The following DIP2C variants were observed in gnomAD, a reference collection of about 807,000 sequenced individuals.
The protein encoded by DIP2C is disco-interacting protein 2 homolog C.
A neutral mutation model predicts 192.4 loss-of-function variants in DIP2C; 33 were observed. That is an observed-to-expected ratio of 0.17 (90% CI 0.13 to 0.23). DIP2C has a LOEUF of 0.23. Ranked by LOEUF, DIP2C falls within the 10% of genes least tolerant of loss-of-function variation. DIP2C has a pLI of 1.00. For synonymous variants in DIP2C, 979 were observed against 864.1 expected, an observed-to-expected ratio of 1.13 and a Z score of -2.33; for missense variants, 1,537 against 2,110.1, an observed-to-expected ratio of 0.73 and a Z score of 5.32.
chr10:623,703 C>T (rs1368138103), intron 1 of DIP2C, among the ~76,000 whole-genome samples: 4 of 54,074 alleles, frequency 7.4e-5, no homozygotes, highest in Admixed American at 5.2e-4. Context: ...GACGCAGGGC[C>T]GAGGGCTGAG....
At chr10:484,661 T>C (rs1488286643) in intron 2 of DIP2C, 2 of 1,372,354 alleles carry the variant, frequency 1.5e-6, no homozygotes, top group Non-Finnish European at 1.9e-6. Flanking sequence ...CACTGGAGAA[T>C]GGGACCCTCA....
At chr10:477,028 G>A (rs542769702) in intron 2 of DIP2C, among the ~76,000 whole-genome samples, 5 of 128,252 alleles carry the variant, frequency 3.9e-5, no homozygotes, top group East Asian at 4.8e-4. Context: ...AAATCCAAAC[G>A]TCAGTGACAT....
chr10:615,810 AAC>A (rs1387884496), intron 1 of DIP2C, among the ~76,000 whole-genome samples: 3 of 152,138 alleles, frequency 2.0e-5, no homozygotes, highest in African/African-American at 7.2e-5. Context: ...CACTCCTCCA[AAC>A]AGACATTGCG....
At chr10:320,809 G>A (rs1956971413) in intron 31 of DIP2C, among the ~76,000 whole-genome samples, 1 of 152,332 alleles carries the variant, frequency 6.6e-6, no homozygotes, top group African/African-American at 2.4e-5. Flanking sequence ...GCTACTCACA[G>A]AGCAGAAGCG....
At chr10:429,694 C>T (rs1299044011) in intron 4 of DIP2C, among the ~76,000 whole-genome samples, 3 of 151,488 alleles carry the variant, frequency 2.0e-5, no homozygotes, top group Non-Finnish European at 2.9e-5. Flanking sequence ...AAGTTTCCTC[C>T]ATGTCTTTCT....
chr10:675,733 A>G (rs928348419), intron 1 of DIP2C, among the ~76,000 whole-genome samples: 8 of 152,216 alleles, frequency 5.3e-5, no homozygotes, highest in Non-Finnish European at 1.2e-4. Context: ...AGAAACGGAA[A>G]TCCTAAACAG....
At chr10:307,961 A>C (rs867726488) in intron 32 of DIP2C, among the ~76,000 whole-genome samples, 36 of 135,602 alleles carry the variant, frequency 2.7e-4, no homozygotes, top group Admixed American at 1.3e-3. Context: ...CACACGGTCC[A>C]TCTGGAGGGC....
chr10:301,768 C>T (rs1956062279), intron 32 of DIP2C, among the ~76,000 whole-genome samples: 1 of 152,174 alleles, frequency 6.6e-6, no homozygotes, highest in Non-Finnish European at 1.5e-5. Context: ...CCACAGTGCT[C>T]CATGACTGCT....
chr10:474,492 T>C (rs1426668495), intron 2 of DIP2C, among the ~76,000 whole-genome samples: 1 of 152,158 alleles, frequency 6.6e-6, no homozygotes, highest in Non-Finnish European at 1.5e-5. Context: ...TTCCTGGAAG[T>C]CCTCTTGGAG....
chr10:361,046 T>C (rs924949680), intron 22 of DIP2C, among the ~76,000 whole-genome samples: 4 of 152,204 alleles, frequency 2.6e-5, no homozygotes, highest in Non-Finnish European at 5.9e-5. Flanking sequence ...AAGCTGCGTA[T>C]CAGGCCCTCA....
chr10:608,104 AAC>A (rs1325869545), intron 1 of DIP2C, among the ~76,000 whole-genome samples: 9 of 145,542 alleles, frequency 6.2e-5, no homozygotes, highest in Admixed American at 1.4e-4. Context: ...CCTAAAAAGG[AAC>A]ACACACACCA....
intron 31 of DIP2C, 138 bp downstream of exon 31, chr10:326,868 A>G (rs1957294018): frequency 9.7e-7 from 1 of 1,028,472 alleles, no homozygotes. Context: ...ATCTGCACCA[A>G]CCGCATGCGT....
Position 363,359 on chromosome 10 carries a change from C to A in DIP2C, c.2478-48G>T. On this transcript the variant is annotated intron_variant, in intron 20 of 36. Transcript: ENST00000280886. This position sits in a 1 kb window ranked among gnomAD's most constrained non-coding sequence, Gnocchi z 5.4. ...TGAGCACGCGCCGGGGACGCTCATGCAGCCCTCCCTCCGCCATCAGGGGCT... is the reference window on the plus strand; with the variant it reads ...TGAGCACGCGCCGGGGACGCTCATGAAGCCCTCCCTCCGCCATCAGGGGCT... 1 of 1,538,250 alleles carries A rather than the reference C, an allele frequency of 6.5e-7. No homozygotes were observed. Among genetic ancestry groups the A allele is most frequent in the Admixed American group, 1.7e-5 (1 of 59,138 alleles).
At chr10:329,646 T>G (rs143754369) in intron 29 of DIP2C, 45 bp from the exon 30 acceptor site, 4 of 428,102 alleles carry the variant, frequency 9.3e-6, no homozygotes, top group South Asian at 9.1e-5. Flanking sequence ...TCAGCAAGGC[T>G]GGAGCTCAGC....
At chr10:277,975 G>A (rs889996697) in intron 36 of DIP2C, among the ~76,000 whole-genome samples, 1 of 152,220 alleles carries the variant, frequency 6.6e-6, no homozygotes, top group African/African-American at 2.4e-5. Flanking sequence ...GCAGCCCTGT[G>A]CCTCCTGCTT....
intron 24 of DIP2C, among the ~76,000 whole-genome samples, chr10:350,292 G>A (rs908717463): frequency 2.0e-5 from 3 of 152,034 alleles, no homozygotes; most frequent in African/African-American, 7.2e-5. Flanking sequence ...TCCCTACATT[G>A]CCCAAGCTGG....
chr10:618,317 C>T (rs1853607418), intron 1 of DIP2C, among the ~76,000 whole-genome samples: 1 of 152,234 alleles, frequency 6.6e-6, no homozygotes, highest in Non-Finnish European at 1.5e-5. Flanking sequence ...TTCTGGCTGG[C>T]TTGCAGGCCT....
At chr10:671,334 C>T (rs1430506482) in intron 1 of DIP2C, among the ~76,000 whole-genome samples, 3 of 151,900 alleles carry the variant, frequency 2.0e-5, no homozygotes, top group East Asian at 1.9e-4. Context: ...CACAGACGCA[C>T]GGACGGAGGA....
chr10:382,537 C>T (rs1029096859), intron 17 of DIP2C, 110 bp downstream of exon 17: 1 of 781,896 alleles, frequency 1.3e-6, no homozygotes. Flanking sequence ...AGGTTAGGTC[C>T]CGTTTTCACC....
Sources: allele counts gnomAD v4.1 joint callset (sites outside exome capture counted in the v4.1 genomes callset), GRCh38; gene constraint gnomAD v4.1.1; non-coding constraint Gnocchi (gnomAD v3.1); transcripts MANE v1.5; gene names NCBI Gene and HGNC (gene_info 2026-07-23, HGNC 2026-07-21).